Variants in WDR72 observed in about 807,000 individuals in gnomAD.
WDR72 encodes WD repeat domain 72.
Under a neutral mutation model 124.2 loss-of-function variants are expected in WDR72, and 120 were observed. That is an observed-to-expected ratio of 0.97 (90% CI 0.83 to 1.12). The LOEUF is 1.12. Among genes scored for constraint, WDR72 ranks in the 50% most tolerant of loss-of-function variants. The pLI is 0.00. For missense variants in WDR72, 1,387 were observed against 1,278.8 expected (o/e 1.08, Z -1.29); for synonymous variants, 452 against 441.7 (o/e 1.02, Z -0.29).
At chr15:53,704,517 T>G (rs1449139271) in intron 11 of WDR72, among the ~76,000 whole-genome samples, 2 of 151,416 alleles carry the variant, frequency 1.3e-5, no homozygotes, top group Non-Finnish European at 2.9e-5. Context: ...GAGTTTTTTT[T>G]GTTTTTGGTT....
Position 53,699,964 on chromosome 15 carries a change from C to A in WDR72, c.1570-19G>T. 2 of 1,614,046 alleles carry A rather than the reference C, an allele frequency of 1.2e-6. No homozygotes were observed. Among genetic ancestry groups the A allele is most frequent in the Non-Finnish European group, 8.5e-7 (1 of 1,179,912 alleles). On this transcript the variant is annotated intron_variant, in intron 12 of 19. Transcript: ENST00000360509. Reference sequence around the variant, plus strand: ...CCCTTAGCTGTGAAAAAACAACATGCTTATGTAAGTAAATAGTCAAATGCT... The same window carrying A: ...CCCTTAGCTGTGAAAAAACAACATGATTATGTAAGTAAATAGTCAAATGCT...
At chr15:53,726,227 T>C (rs1297817909) in intron 2 of WDR72, among the ~76,000 whole-genome samples, 5 of 142,862 alleles carry the variant, frequency 3.5e-5, no homozygotes, top group Non-Finnish European at 7.5e-5. Context: ...TGTGTATATA[T>C]ATATATATGT....
Position 53,515,117 on chromosome 15 carries a change from A to G in WDR72, c.*2582T>C, listed in dbSNP as rs907725195. ...CACACACACACACACAAATACATTC[A>G]TAAATATCACCAAGATGATTACCAA... On this transcript the variant is annotated 3_prime_UTR_variant, in exon 20 of 20. Transcript: ENST00000360509. 1.4e-5 allele frequency: 2 copies of G among 140,804 alleles called. No individual in the cohort carries two copies. Among genetic ancestry groups the G allele is most frequent in the African/African-American group, 2.5e-5 (1 of 39,788 alleles). 8.7% of individuals were successfully genotyped at this position (140,804 alleles called of 1,614,324 possible). A position where few individuals can be genotyped will look rare whatever the true frequency, so the allele number is the denominator to read the frequency against.
At chr15:53,715,480 T>A in intron 4 of WDR72, 113 bp from the exon 5 acceptor site, 1 of 1,270,962 alleles carries the variant, frequency 7.9e-7, no homozygotes, top group Admixed American at 2.0e-5. Context: ...ATTAAGGTAT[T>A]GAACTGAATA....
chr15:53,708,548 A>T (rs1411300232), intron 9 of WDR72, among the ~76,000 whole-genome samples: 2 of 152,140 alleles, frequency 1.3e-5, no homozygotes, highest in Non-Finnish European at 2.9e-5. Context: ...ATTTGGGCTA[A>T]ACCACTTGAA....
chr15:53,707,819 G>A (rs1186288348), intron 9 of WDR72, among the ~76,000 whole-genome samples: 1 of 152,160 alleles, frequency 6.6e-6, no homozygotes, highest in Non-Finnish European at 1.5e-5. Flanking sequence ...TTGAAATGGT[G>A]TTGATAACAT....
At chr15:53,598,353 C>T (rs139983787) in intron 17 of WDR72, among the ~76,000 whole-genome samples, 32 of 152,098 alleles carry the variant, frequency 2.1e-4, no homozygotes, top group African/African-American at 7.7e-4. Context: ...CCACAATTCA[C>T]CACTGGACCC....
chr15:53,579,616 T>G (rs567823442), intron 18 of WDR72, among the ~76,000 whole-genome samples: 7 of 152,178 alleles, frequency 4.6e-5, no homozygotes, highest in African/African-American at 1.7e-4. Context: ...TGAAATACTA[T>G]CTCACCCCTT....
intron 14 of WDR72, among the ~76,000 whole-genome samples, chr15:53,655,837 C>T (rs909442740): frequency 3.9e-5 from 6 of 152,136 alleles, no homozygotes; most frequent in Non-Finnish European, 7.3e-5. Flanking sequence ...GGATTACAGG[C>T]ATATGCCACC....
chr15:53,535,476 A>T (rs1339657084), intron 18 of WDR72, among the ~76,000 whole-genome samples: 1 of 152,134 alleles, frequency 6.6e-6, no homozygotes, highest in African/African-American at 2.4e-5. Context: ...TCGGCTTAAA[A>T]TTTTTTGCCA....
chr15:53,647,453 T>C (rs935143307), intron 14 of WDR72, among the ~76,000 whole-genome samples: 1 of 152,124 alleles, frequency 6.6e-6, no homozygotes, highest in Non-Finnish European at 1.5e-5. Context: ...CTTAACTTCC[T>C]GAAGCAGGAA....
At chr15:53,760,595 A>T (rs547074704), upstream of WDR72, among the ~76,000 whole-genome samples, 92 of 152,312 alleles carry the variant, frequency 6.0e-4, no homozygotes, top group South Asian at 1.7e-3. Context: ...TGGACAACTT[A>T]GGTTGATTCA....
rs748547108 is a variant in WDR72, at chr15:53,613,724, C to T, written c.2814G>A (p.Met938Ile). 12 of 1,610,554 alleles carry T rather than the reference C, an allele frequency of 7.5e-6. 1 individual carries two copies. In the South Asian group the frequency reaches 1.1e-4, roughly 15 times the overall value. The change falls in exon 16 of 20, where the codon ATG (methionine) becomes ATA (isoleucine). Residue 938 changes from methionine to isoleucine, a missense_variant. Coordinates refer to ENST00000360509, the MANE Select transcript of WDR72 (RefSeq NM_182758.4). ...TTAAAATGTCATTCCCAGCACCTCT[C>T]ATCTTATTATGTATACTTTCCATTC... ...SFRMESIHNK[M>I]RGAGNDILNM...
At chr15:53,730,539 T>C (rs546700513) in intron 2 of WDR72, among the ~76,000 whole-genome samples, 1 of 152,276 alleles carries the variant, frequency 6.6e-6, no homozygotes, top group Non-Finnish European at 1.5e-5. Context: ...TGTATTCTCT[T>C]ACCTACATAC....
chr15:53,659,444 T>C (rs180965903), intron 14 of WDR72, among the ~76,000 whole-genome samples: 143 of 152,222 alleles, frequency 9.4e-4, no homozygotes, highest in Non-Finnish European at 1.5e-3. Flanking sequence ...GGCCAACGAA[T>C]GTTTAGATAC....
intron 1 of WDR72, among the ~76,000 whole-genome samples, chr15:53,746,547 C>A (rs1246817871): frequency 1.3e-5 from 2 of 152,098 alleles, no homozygotes. Context: ...ATAAAATAGG[C>A]CTGGGTTTGA....
At chr15:53,604,539 C>T (rs2013191417) in intron 17 of WDR72, among the ~76,000 whole-genome samples, 1 of 152,098 alleles carries the variant, frequency 6.6e-6, no homozygotes, top group African/African-American at 2.4e-5. Context: ...ATAGAGCAAA[C>T]AGGCAACCTG....
chr15:53,567,612 T>A (rs73406265), intron 18 of WDR72, among the ~76,000 whole-genome samples: 30,295 of 151,964 alleles, frequency 0.2, 4,997 homozygotes, highest in African/African-American at 0.46. Flanking sequence ...ATATCTTTTA[T>A]GTTAGCATAC....
At position 53,699,823 on chromosome 15, in the gene WDR72, T is replaced by G; in HGVS notation, c.1692A>C (p.Lys564Asn). The G allele has an allele frequency of 6.2e-7, 1 of 1,614,160 alleles. No individual in the cohort carries two copies. Among genetic ancestry groups the G allele is most frequent in the Non-Finnish European group, 8.5e-7 (1 of 1,180,014 alleles). ...TTAAAAAATTCTCAACCGGGTGCCA[T>G]TTTATCATCCTCACAGGAAAAAGGT... ...RKHLFPVRMIKWHPVENFLIV... is the reference protein window; with the variant it reads ...RKHLFPVRMINWHPVENFLIV... The change falls in exon 13 of 20, where the codon AAA becomes AAC. Residue 564 changes from lysine (K) to asparagine (N), a missense_variant. Physicochemically the swap from Lys to Asn is moderately conservative, Grantham distance 94. Coordinates refer to ENST00000360509, the MANE Select transcript of WDR72 (RefSeq NM_182758.4).
Sources: allele counts gnomAD v4.1 joint callset (sites outside exome capture counted in the v4.1 genomes callset), GRCh38; gene constraint gnomAD v4.1.1; transcripts MANE v1.5; gene names NCBI Gene and HGNC (gene_info 2026-07-23, HGNC 2026-07-21).